The following KCNQ3 variants were observed in gnomAD, a reference collection of about 807,000 sequenced individuals.
KCNQ3 encodes potassium voltage-gated channel subfamily Q member 3, also known as potassium voltage-gated channel subfamily KQT member 3.
KCNQ3 carries 30 observed loss-of-function variants against 92.5 expected under a neutral mutation model. The ratio of observed to expected loss-of-function variants is 0.32; its 90% CI spans 0.24 to 0.44. KCNQ3 has a LOEUF of 0.44. Among genes scored for constraint, KCNQ3 ranks in the 20% least tolerant of loss-of-function variants. KCNQ3 has a pLI of 1.00. For missense variants in KCNQ3, 913 were observed against 1,140.3 expected, an observed-to-expected ratio of 0.80 and a Z score of 2.87; for synonymous variants, 450 against 468.8, an observed-to-expected ratio of 0.96 and a Z score of 0.52.
At chr8:132,195,424 C>A (rs540222938) in intron 1 of KCNQ3, among the ~76,000 whole-genome samples, 1 of 152,296 alleles carries the variant, frequency 6.6e-6, no homozygotes, top group South Asian at 2.1e-4. Flanking sequence ...CAGGCAATGG[C>A]AGATATCCTC....
At chr8:132,196,279 G>T (rs1827295152) in intron 1 of KCNQ3, among the ~76,000 whole-genome samples, 1 of 152,100 alleles carries the variant, frequency 6.6e-6, no homozygotes, top group South Asian at 2.1e-4. Flanking sequence ...TATATGCCAA[G>T]AGTTAGGAAC....
chr8:132,436,123 A>G (rs1472879731), intron 1 of KCNQ3, among the ~76,000 whole-genome samples: 1 of 152,244 alleles, frequency 6.6e-6, no homozygotes, highest in Non-Finnish European at 1.5e-5. Context: ...CACTCTGTTG[A>G]CATAATGCCA....
intron 1 of KCNQ3, among the ~76,000 whole-genome samples, chr8:132,201,565 A>G (rs529910622): frequency 2.0e-5 from 3 of 152,228 alleles, no homozygotes; most frequent in Non-Finnish European, 4.4e-5. Context: ...AAGAAAAAAA[A>G]ATAAAGGCCT....
chr8:132,306,536 T>C (rs1489175996), intron 1 of KCNQ3, among the ~76,000 whole-genome samples: 1 of 152,220 alleles, frequency 6.6e-6, no homozygotes, highest in Non-Finnish European at 1.5e-5. Flanking sequence ...TCCTATCCAA[T>C]TCACAAATCT....
rs1226904653 is a variant in KCNQ3 at position 132,344,930 on chromosome 8, T to C, written c.386+135217A>G. 3.9e-5 allele frequency among the ~76,000 whole-genome samples: 6 copies of C among 152,204 alleles called. No homozygotes were observed. The South Asian group carries it at 1.0e-3, about 26-fold the overall frequency. Reference sequence around the variant, plus strand: ...GTGTCAAAAGACAAAGGATGTGAAGTAACCCAAAGGAGAGGACAAAGAGCT... The same window carrying C: ...GTGTCAAAAGACAAAGGATGTGAAGCAACCCAAAGGAGAGGACAAAGAGCT... On this transcript the variant is annotated intron_variant, in intron 1 of 14. Coordinates refer to ENST00000388996, the MANE Select transcript of KCNQ3 (RefSeq NM_004519.4).
At chr8:132,233,506 T>C (rs1186464617) in intron 1 of KCNQ3, among the ~76,000 whole-genome samples, 1 of 152,210 alleles carries the variant, frequency 6.6e-6, no homozygotes, top group Non-Finnish European at 1.5e-5. Context: ...TGGGTTATCT[T>C]TGAGCTGCAG....
intron 9 of KCNQ3, among the ~76,000 whole-genome samples, chr8:132,157,304 T>A (rs1158521762): frequency 6.6e-6 from 1 of 152,194 alleles, no homozygotes; most frequent in Admixed American, 6.5e-5. Context: ...AGGAGGACCA[T>A]CTTTTCCCTA....
At chr8:132,145,923 C>T (rs535637202) in intron 9 of KCNQ3, among the ~76,000 whole-genome samples, 19 of 152,294 alleles carry the variant, frequency 1.2e-4, no homozygotes, top group African/African-American at 3.6e-4. Flanking sequence ...GCTCTCCAGG[C>T]GGAAGCACTG....
In KCNQ3 at chr8:132,323,237, G is replaced by T. The variant is rs533442726; in HGVS notation, c.387-137056C>A. Among the ~76,000 whole-genome samples the T allele has an allele frequency of 4.6e-5, 7 of 152,300 alleles. No homozygotes were observed. In the East Asian group the frequency reaches 1.4e-3, roughly 29 times the overall value. ...TCACTTAAAGATGAGCAGAGGATGA[G>T]GAAGAGATCTCCTGACCTCAGGATA... On this transcript the variant is annotated intron_variant, in intron 1 of 14. Transcript: ENST00000388996.
intron 9 of KCNQ3, among the ~76,000 whole-genome samples, chr8:132,159,035 A>G (rs1393937228): frequency 1.3e-5 from 2 of 152,224 alleles, no homozygotes; most frequent in Non-Finnish European, 2.9e-5. Context: ...ACTGCTGTCA[A>G]CACAGTTATC....
intron 1 of KCNQ3, among the ~76,000 whole-genome samples, chr8:132,205,199 A>G (rs1431305375): frequency 2.6e-5 from 4 of 152,222 alleles, no homozygotes; most frequent in African/African-American, 7.2e-5. Context: ...AAGAAGGTAA[A>G]CCTTGAACAA....
At chr8:132,399,120 G>A (rs1036031042) in intron 1 of KCNQ3, among the ~76,000 whole-genome samples, 6 of 152,152 alleles carry the variant, frequency 3.9e-5, no homozygotes, top group Non-Finnish European at 8.8e-5. Context: ...ATGCAGATAC[G>A]ATTTACAAAT....
chr8:132,385,451 A>G (rs1022340258), intron 1 of KCNQ3, among the ~76,000 whole-genome samples: 10 of 152,236 alleles, frequency 6.6e-5, no homozygotes, highest in African/African-American at 2.4e-4. Context: ...CCAGTGCAGC[A>G]GTGTAGAGAC....
At chr8:132,418,225 T>C (rs911445021) in intron 1 of KCNQ3, among the ~76,000 whole-genome samples, 3 of 152,118 alleles carry the variant, frequency 2.0e-5, no homozygotes, top group African/African-American at 4.8e-5. Flanking sequence ...AAGATAAATA[T>C]AAACTCAGAC....
chr8:132,474,265 A>G (rs1822357223), intron 1 of KCNQ3, among the ~76,000 whole-genome samples: 1 of 152,154 alleles, frequency 6.6e-6, no homozygotes, highest in South Asian at 2.1e-4. Flanking sequence ...GCATTCATAT[A>G]TACTATTCTT....
intron 1 of KCNQ3, among the ~76,000 whole-genome samples, chr8:132,422,382 A>T (rs1407566565): frequency 6.6e-6 from 1 of 152,128 alleles, no homozygotes; most frequent in Non-Finnish European, 1.5e-5. Flanking sequence ...GTTCCCCACT[A>T]AGACTCAGCA....
chr8:132,318,445 C>A (rs1281358698), intron 1 of KCNQ3, among the ~76,000 whole-genome samples: 1 of 152,122 alleles, frequency 6.6e-6, no homozygotes, highest in Non-Finnish European at 1.5e-5. Flanking sequence ...GTTTGTAAGA[C>A]TTTGTGATTA....
intron 1 of KCNQ3, among the ~76,000 whole-genome samples, chr8:132,465,955 AT>A (rs1822163575): frequency 6.6e-6 from 1 of 152,164 alleles, no homozygotes; most frequent in East Asian, 1.9e-4. Flanking sequence ...ACAGGAATAA[AT>A]AAAAGGAAAG....
chr8:132,154,192 AGTTT>A lies in KCNQ3; in HGVS notation c.1262+9272_1262+9275del, dbSNP rs1221597664. On this transcript the variant is annotated intron_variant, in intron 9 of 14. Coordinates refer to ENST00000388996, the MANE Select transcript of KCNQ3 (RefSeq NM_004519.4). The stretch of plus-strand genomic sequence containing the variant: ...CCTGATGTACCATCAAAAGGGTAAA[AGTTT>A]TTTTTTTTTTTTTTTTTTTTTTTTT... 6.5e-3 allele frequency among the ~76,000 whole-genome samples: 677 copies of A among 104,466 alleles called. 22 individuals carry two copies. Among genetic ancestry groups the A allele is most frequent in the African/African-American group, 0.02 (611 of 30,320 alleles). The allele number at this position is 104,466 out of a possible 152,430, so 68.5% of individuals were successfully genotyped here.
Sources: allele counts gnomAD v4.1 joint callset (sites outside exome capture counted in the v4.1 genomes callset), GRCh38; gene constraint gnomAD v4.1.1; transcripts MANE v1.5; gene names NCBI Gene and HGNC (gene_info 2026-07-23, HGNC 2026-07-21).